The following UBR1 variants were observed in gnomAD, a reference collection of about 807,000 sequenced individuals.
UBR1 encodes E3 ubiquitin-protein ligase UBR1.
UBR1 carries 102 observed loss-of-function variants against 242.1 expected under a neutral mutation model. The ratio of observed to expected loss-of-function variants is 0.42; its 90% CI spans 0.36 to 0.50. UBR1 has a LOEUF of 0.50. Ranked by LOEUF, UBR1 falls within the 20% of genes least tolerant of loss-of-function variation. The pLI, the probability that UBR1 is intolerant of heterozygous loss-of-function variation, is 0.01. For synonymous variants in UBR1, 675 were observed against 684.8 expected (o/e 0.99, Z 0.22); for missense variants, 1,772 against 2,101.8 (o/e 0.84, Z 3.07).
At chr15:42,976,902 G>A in intron 38 of UBR1, 35 bp from the exon 39 acceptor site, 2 of 1,604,022 alleles carry the variant, frequency 1.2e-6, no homozygotes, top group East Asian at 2.3e-5. Context: ...TATGGCTAAT[G>A]ATAAAAGACT....
chr15:43,014,515 G>C (rs1451332996), intron 29 of UBR1, among the ~76,000 whole-genome samples: 4 of 151,148 alleles, frequency 2.6e-5, no homozygotes, highest in African/African-American at 9.8e-5. Flanking sequence ...TGAGATGTGG[G>C]GAGCGCCTCT....
intron 41 of UBR1, among the ~76,000 whole-genome samples, chr15:42,965,887 T>C (rs1596078074): frequency 6.6e-6 from 1 of 152,358 alleles, no homozygotes; most frequent in East Asian, 1.9e-4. Context: ...ATCAGTTATA[T>C]TCTGCATGCA....
intron 45 of UBR1, among the ~76,000 whole-genome samples, chr15:42,951,373 G>A (rs1567105959): frequency 6.6e-6 from 1 of 152,086 alleles, no homozygotes; most frequent in Non-Finnish European, 1.5e-5. Flanking sequence ...ACAGGCATGC[G>A]CCACCACGCC....
chr15:42,956,872 G>A (rs2031929744), intron 44 of UBR1, among the ~76,000 whole-genome samples: 1 of 152,104 alleles, frequency 6.6e-6, no homozygotes, highest in South Asian at 2.1e-4. Flanking sequence ...GGTTCACTGA[G>A]GGGCCAGCAA....
At chr15:43,082,569 ACT>A in intron 3 of UBR1, 67 bp downstream of exon 3, 1 of 1,200,804 alleles carries the variant, frequency 8.3e-7, no homozygotes, top group East Asian at 2.4e-5. Flanking sequence ...TGTGAATACT[ACT>A]CAAGAATTTG....
At chr15:43,031,795 G>A (rs1224143563) in intron 20 of UBR1, among the ~76,000 whole-genome samples, 1 of 152,196 alleles carries the variant, frequency 6.6e-6, no homozygotes, top group African/African-American at 2.4e-5. Context: ...GGCCAAGGCA[G>A]GCAGATCATG....
At chr15:42,977,773 T>A in intron 38 of UBR1, 107 bp downstream of exon 38, 1 of 1,031,606 alleles carries the variant, frequency 9.7e-7, no homozygotes, top group Non-Finnish European at 1.5e-6. Flanking sequence ...ACTTTATAGA[T>A]TAAACACAAA....
intron 3 of UBR1, among the ~76,000 whole-genome samples, chr15:43,076,801 G>C (rs1314257473): frequency 7.5e-6 from 1 of 132,548 alleles, no homozygotes; most frequent in African/African-American, 2.8e-5. Flanking sequence ...CGCCCGGCCA[G>C]CCGCCCCGTC....
At chr15:42,980,822 G>T (rs562153912) in intron 37 of UBR1, among the ~76,000 whole-genome samples, 1 of 152,050 alleles carries the variant, frequency 6.6e-6, no homozygotes. Context: ...GGCTGGTCTC[G>T]AACTCCTGAG....
intron 30 of UBR1, among the ~76,000 whole-genome samples, chr15:43,005,626 G>C (rs1195858784): frequency 6.6e-6 from 1 of 152,236 alleles, no homozygotes; most frequent in African/African-American, 2.4e-5. Flanking sequence ...CCATGATGAC[G>C]ATGGCGGTTT....
In UBR1 at chr15:42,978,765, C is replaced by G. The variant is rs2032328717; in HGVS notation, c.4151-818G>C. 1.3e-5 allele frequency among the ~76,000 whole-genome samples: 2 copies of G among 148,784 alleles called. 1 individual carries two copies. The highest frequency in any genetic ancestry group is 1.3e-4 in the Admixed American group (2 of 14,838). ...TTTTTTTTAGACAGAATCTTGCTCTCTCATCCAGGCAGGAGTGCAGTGGCA... is the reference window on the plus strand; with the variant it reads ...TTTTTTTTAGACAGAATCTTGCTCTGTCATCCAGGCAGGAGTGCAGTGGCA... On this transcript the variant is annotated intron_variant, in intron 37 of 46. Transcript: ENST00000290650.
At chr15:43,004,634 G>C (rs2032777607) in intron 30 of UBR1, among the ~76,000 whole-genome samples, 1 of 152,230 alleles carries the variant, frequency 6.6e-6, no homozygotes, top group South Asian at 2.1e-4. Flanking sequence ...GCCTGCCTCA[G>C]CCTCCCGAGG....
chr15:42,984,042 A>C, intron 36 of UBR1, 49 bp from the exon 37 acceptor site: 3 of 1,436,170 alleles, frequency 2.1e-6, no homozygotes, highest in East Asian at 2.4e-5. Flanking sequence ...AAGATGAGAG[A>C]CCTAAGTCAT....
At chr15:43,006,138 T>A (rs2032826483) in intron 30 of UBR1, among the ~76,000 whole-genome samples, 1 of 150,810 alleles carries the variant, frequency 6.6e-6, no homozygotes, top group East Asian at 1.9e-4. Context: ...AAGCACAGAT[T>A]GAGGATTTCA....
At chr15:43,048,356 A>T (rs369771050) in intron 13 of UBR1, 36 bp downstream of exon 13, 149 of 1,528,238 alleles carry the variant, frequency 9.7e-5, no homozygotes, top group Middle Eastern at 1.9e-4. Flanking sequence ...TTTAAAAATA[A>T]ATTTCTTTTA....
intron 39 of UBR1, among the ~76,000 whole-genome samples, chr15:42,970,995 A>C (rs1567111809): frequency 6.6e-6 from 1 of 152,144 alleles, no homozygotes; most frequent in African/African-American, 2.4e-5. Flanking sequence ...AATTACAGAC[A>C]TAAGCCACCA....
rs1171436689 is a variant in UBR1 at position 43,026,547 on chromosome 15, A to G, written c.2535+14T>C. ...CATTTAGGTTTATTTACTGAAAAGG[A>G]TACTTTTTTCTACCTTGCTATGCTG... On this transcript the variant is annotated intron_variant, in intron 23 of 46. Transcript: ENST00000290650. The G allele has an allele frequency of 1.9e-6, 3 of 1,606,220 alleles. No individual in the cohort carries two copies. The highest frequency in any genetic ancestry group is 1.3e-5 in the African/African-American group (1 of 74,770).
rs79755699 is a variant in UBR1 at position 43,049,004 on chromosome 15, A to C, written c.1440-513T>G. 5.2e-3 allele frequency among the ~76,000 whole-genome samples: 788 copies of C among 152,320 alleles called. 9 individuals carry two copies. Among genetic ancestry groups the C allele is most frequent in the African/African-American group, 0.018 (757 of 41,560 alleles). On this transcript the variant is annotated intron_variant, in intron 12 of 46. Coordinates refer to ENST00000290650, the MANE Select transcript of UBR1 (RefSeq NM_174916.3). ...GATAAACAAACTCATTTTAGCCTAT[A>C]ATTTGTATGATTAATATTTCTTTTG...
At chr15:42,950,164 C>G in intron 46 of UBR1, 98 bp downstream of exon 46, 1 of 1,140,650 alleles carries the variant, frequency 8.8e-7, no homozygotes, top group Non-Finnish European at 1.3e-6. Flanking sequence ...GATTAAAGAA[C>G]TATTACCGTT....
Sources: allele counts gnomAD v4.1 joint callset (sites outside exome capture counted in the v4.1 genomes callset), GRCh38; gene constraint gnomAD v4.1.1; transcripts MANE v1.5; gene names NCBI Gene and HGNC (gene_info 2026-07-23, HGNC 2026-07-21).